SPATA20: variants seen among roughly 807,000 people sequenced by gnomAD.
SPATA20 encodes spermatogenesis-associated protein 20.
SPATA20 carries 74 observed loss-of-function variants against 98.9 expected under a neutral mutation model. That is an observed-to-expected ratio of 0.75 (90% CI 0.62 to 0.91). The LOEUF is 0.91. SPATA20 is among the 40% of genes least tolerant of loss of function. The probability of loss-of-function intolerance (pLI) is 0.00; values close to 1 mark genes in which losing one functional copy is unlikely to be tolerated. For missense variants in SPATA20, 1,016 were observed against 1,069.8 expected (o/e 0.95, Z 0.70); for synonymous variants, 430 against 440.5 (o/e 0.98, Z 0.30).
chr17:50,548,516 C>A, intron 3 of SPATA20, 38 bp from the exon 4 acceptor site: 5 of 1,613,374 alleles, frequency 3.1e-6, no homozygotes, highest in Non-Finnish European at 4.2e-6. Context: ...CCCAGACCCC[C>A]TGGGCTACTG....
At position 50,555,587 on chromosome 17, in the gene SPATA20, A is replaced by G. The variant is rs559250536; in HGVS notation, c.2334A>G (p.Ala778=). The stretch of plus-strand genomic sequence containing the variant: ...GACGGTTGGAAGACCAGGCCACTGC[A>G]TATGTGTGTGAGAATCAAGCCTGCT... ...TLRRLEDQAT[A]YVCENQACSV... is the part of the protein sequence containing the mutation. The change falls in exon 17 of 17, where the codon GCA becomes GCG. Residue 778 remains alanine (A), a synonymous_variant. Transcript: ENST00000006658. 1.4e-5 allele frequency: 23 copies of G among 1,614,044 alleles called. No individual in the cohort carries two copies. Among genetic ancestry groups the G allele is most frequent in the African/African-American group, 1.1e-4 (8 of 75,000 alleles).
At chr17:50,550,434 C>T in intron 9 of SPATA20, 102 bp from the exon 10 acceptor site, 1 of 1,390,694 alleles carries the variant, frequency 7.2e-7, no homozygotes, top group Non-Finnish European at 1.0e-6. Context: ...TACCCACTAC[C>T]CAGGCTTCCC....
At chr17:50,555,067 G>A (rs998637176) in intron 15 of SPATA20, among the ~76,000 whole-genome samples, 165 bp from the exon 16 acceptor site, 1 of 152,114 alleles carries the variant, frequency 6.6e-6, no homozygotes, top group African/African-American at 2.4e-5. Context: ...GTGTGTGTGT[G>A]TGTTCCCACT....
chr17:50,547,282 G>T lies in SPATA20; in HGVS notation c.74G>T (p.Arg25Leu). ...PRAGAGLAAS[R>L]RCPGVWPRTW... Reference sequence around the variant, plus strand: ...GCCGGTGCAGGCCTCGCCGCGAGCCGCAGGTACGGGCGGGCGAGCGGGCCC... The same window carrying T: ...GCCGGTGCAGGCCTCGCCGCGAGCCTCAGGTACGGGCGGGCGAGCGGGCCC... Residue 25 changes from arginine to leucine, a missense_variant, in exon 1 of 17, where the codon CGC (arginine) becomes CTC (leucine). Transcript: ENST00000006658. The T allele has an allele frequency of 7.3e-7, 1 of 1,374,402 alleles. No individual in the cohort carries two copies. The allele number at this position is 1,374,402 out of a possible 1,614,324, so 85.1% of individuals were successfully genotyped here.
rs149751644 is a variant in SPATA20 at position 50,547,737 on chromosome 17, C to T, written c.95C>T (p.Pro32Leu). 33 of 781,726 alleles carry T rather than the reference C, an allele frequency of 4.2e-5. No individual in the cohort carries two copies. The highest frequency in any genetic ancestry group is 7.4e-5 in the Non-Finnish European group (31 of 419,010). 48.4% of individuals were successfully genotyped at this position (781,726 alleles called of 1,614,324 possible). A position where few individuals can be genotyped will look rare whatever the true frequency, so the allele number is the denominator to read the frequency against. ...AASRRCPGVW[P>L]RTWPHRSPSR... ...TTCCCTAGGTGTCCTGGAGTCTGGC[C>T]CAGGACCTGGCCCCACAGGAGTCCC... The change falls in exon 2 of 17, where the codon CCC (proline) becomes CTC (leucine). Residue 32 changes from proline to leucine, a missense_variant. By Grantham distance (98) the Pro-to-Leu change is moderately conservative. Coordinates refer to ENST00000006658, the MANE Select transcript of SPATA20 (RefSeq NM_022827.4).
chr17:50,552,098 G>A lies in SPATA20; in HGVS notation c.1875G>A (p.Lys625=). Residue 625 remains lysine (K), a synonymous_variant, in exon 14 of 17, where the codon AAG becomes AAA. Transcript: ENST00000006658. Reference sequence around the variant, plus strand: ...TGCGGCTGCAGGACACACAGGACAAGCTCTTTTGGGACTCCCAGGGTGGCG... The same window carrying A: ...TGCGGCTGCAGGACACACAGGACAAACTCTTTTGGGACTCCCAGGGTGGCG... The part of the protein sequence containing the change: ...WALRLQDTQD[K]LFWDSQGGGY... The A allele has an allele frequency of 1.2e-6, 2 of 1,613,834 alleles. No homozygotes were observed.
At chr17:50,553,185 A>G (rs1243590766) in intron 14 of SPATA20, among the ~76,000 whole-genome samples, 1 of 152,208 alleles carries the variant, frequency 6.6e-6, no homozygotes, top group East Asian at 1.9e-4. Context: ...CCAAAACTCA[A>G]ATTTTAGCTC....
In SPATA20 at chr17:50,552,192, T is replaced by A; in HGVS notation, c.1957+12T>A. The A allele has an allele frequency of 6.2e-7, 1 of 1,612,272 alleles. No homozygotes were observed. The highest frequency in any genetic ancestry group is 8.5e-7 in the Non-Finnish European group (1 of 1,179,298). On this transcript the variant is annotated intron_variant, in intron 14 of 16. Coordinates refer to ENST00000006658, the MANE Select transcript of SPATA20 (RefSeq NM_022827.4). ...GCGTCTGAAGGACGGTCAGTGGGGG[T>A]GCAGGGCTAGTCTGGGGTCCTGGGA...
rs201414649 is a variant in SPATA20 at position 50,550,703 on chromosome 17, C to G, written c.1174-5C>G. On this transcript the variant is annotated splice_polypyrimidine_tract_variant and splice_region_variant and intron_variant, in intron 10 of 16. Transcript: ENST00000006658. ...CGGGGCCAGCCAACTCTCCCCTCCC[C>G]ACAGTCCGGAGGCTTCTATAGCGCA... 9.2e-5 allele frequency: 148 copies of G among 1,613,282 alleles called. No individual in the cohort carries two copies. Among genetic ancestry groups the G allele is most frequent in the South Asian group, 7.2e-4 (66 of 91,066 alleles).
Position 50,547,708 on chromosome 17 carries a change from C to T in SPATA20, c.78-12C>T. ...TTCCAGGCTGAACTCCCTGAGGTCT[C>T]TGATTCCCTAGGTGTCCTGGAGTCT... is the stretch of plus-strand genomic sequence containing the variant. On this transcript the variant is annotated splice_polypyrimidine_tract_variant and intron_variant, in intron 1 of 16. Coordinates refer to ENST00000006658, the MANE Select transcript of SPATA20 (RefSeq NM_022827.4). The T allele has an allele frequency of 2.6e-6, 2 of 781,148 alleles. No homozygotes were observed. Among genetic ancestry groups the T allele is most frequent in the Admixed American group, 3.4e-5 (2 of 59,030 alleles). The allele number at this position is 781,148 out of a possible 1,614,324, so 48.4% of individuals were successfully genotyped here.
Position 50,551,017 on chromosome 17 carries a change from A to G in SPATA20, c.1403A>G (p.Gln468Arg), listed in dbSNP as rs753448545. 1.1e-5 allele frequency: 18 copies of G among 1,613,360 alleles called. No individual in the cohort carries two copies. The highest frequency in any genetic ancestry group is 1.5e-5 in the Non-Finnish European group (18 of 1,179,992). Residue 468 changes from glutamine (Q) to arginine (R), a missense_variant, in exon 12 of 17, where the codon CAG becomes CGG. Coordinates refer to ENST00000006658, the MANE Select transcript of SPATA20 (RefSeq NM_022827.4). ...SPSQDPKGEL[Q>R]GQNVLTVRYS... ...CCTCAGGACCCCAAGGGGGAGCTGC[A>G]GGGCCAGAATGTGCTGACCGTCCGG...
chr17:50,549,568 T>C, intron 7 of SPATA20, 81 bp downstream of exon 7: 1 of 1,398,040 alleles, frequency 7.2e-7, no homozygotes, highest in South Asian at 1.3e-5. Context: ...GCTCCTGGCC[T>C]CACCCATAGC....
In SPATA20 at chr17:50,548,370, A is replaced by G; in HGVS notation, c.213A>G (p.Ser71=). 6.2e-7 allele frequency: 1 copy of G among 1,614,006 alleles called. No homozygotes were observed. Among genetic ancestry groups the G allele is most frequent in the Non-Finnish European group, 8.5e-7 (1 of 1,179,974 alleles). ...MPAGGKGSHP[S]STPQRVPNRL... is the part of the protein sequence containing the mutation. ...CTGGAGGGAAAGGAAGCCATCCTTC[A>G]TCTACACCCCAGAGGGTCCCCAACC... Residue 71 remains serine (S), a synonymous_variant, in exon 3 of 17, where the codon TCA becomes TCG. Coordinates refer to ENST00000006658, the MANE Select transcript of SPATA20 (RefSeq NM_022827.4).
Position 50,549,195 on chromosome 17 carries a change from G to A in SPATA20, c.660+9G>A. ...TGAGAATACGAGAACAGGTGGGTGTGCCTCCGGGAGTTGGGGGACCAGGGT... is the reference window on the plus strand; with the variant it reads ...TGAGAATACGAGAACAGGTGGGTGTACCTCCGGGAGTTGGGGGACCAGGGT... On this transcript the variant is annotated intron_variant, in intron 6 of 16. Coordinates refer to ENST00000006658, the MANE Select transcript of SPATA20 (RefSeq NM_022827.4). 2 of 1,592,488 alleles carry A rather than the reference G, an allele frequency of 1.3e-6. No individual in the cohort carries two copies. Among genetic ancestry groups the A allele is most frequent in the Non-Finnish European group, 1.7e-6 (2 of 1,165,742 alleles).
At chr17:50,549,541 TG>T in intron 7 of SPATA20, 54 bp downstream of exon 7, 1 of 1,553,610 alleles carries the variant, frequency 6.4e-7, no homozygotes, top group Non-Finnish European at 8.7e-7. Flanking sequence ...ATTCCTATGC[TG>T]GTCAGGGACC....
intron 4 of SPATA20, 35 bp downstream of exon 4, chr17:50,548,653 G>A (rs1327510722): frequency 1.2e-6 from 2 of 1,605,994 alleles, no homozygotes; most frequent in East Asian, 2.2e-5. Flanking sequence ...TGGGGGTGTG[G>A]GCAGGGAGTG....
chr17:50,549,063 C>T lies in SPATA20; in HGVS notation c.537C>T (p.Gly179=). The change falls in exon 6 of 17, where the codon GGC becomes GGT. Residue 179 remains glycine (G), a synonymous_variant. Transcript: ENST00000006658. ...TFVQATSSGG[G]WPMNVWLTPN... The stretch of plus-strand genomic sequence containing the variant: ...GCCAGGCCACCAGCAGCGGCGGGGG[C>T]TGGCCCATGAATGTGTGGCTGACTC... 6.2e-7 allele frequency: 1 copy of T among 1,613,636 alleles called. No individual in the cohort carries two copies. Among genetic ancestry groups the T allele is most frequent in the South Asian group, 1.1e-5 (1 of 91,076 alleles).
intron 7 of SPATA20, among the ~76,000 whole-genome samples, 193 bp from the exon 8 acceptor site, chr17:50,549,792 C>T (rs924432300): frequency 1.3e-5 from 2 of 152,208 alleles, no homozygotes; most frequent in African/African-American, 2.4e-5. Context: ...CCTCTGTGAA[C>T]CAATGATATT....
At chr17:50,551,701 G>A in intron 13 of SPATA20, 22 bp downstream of exon 13, 3 of 1,579,006 alleles carry the variant, frequency 1.9e-6, no homozygotes, top group African/African-American at 1.3e-5. Context: ...GGTAGACCGG[G>A]AGGGCCCGTC....
Sources: gnomAD v4.1 joint callset for allele counts (sites outside exome capture counted in the v4.1 genomes callset) on GRCh38, gnomAD v4.1.1 for gene constraint, MANE v1.5 for transcripts, NCBI Gene and HGNC (gene_info 2026-07-23, HGNC 2026-07-21) for gene names.